The following VCL variants were observed in gnomAD, a reference collection of about 807,000 sequenced individuals.
VCL encodes the protein epididymis luminal protein 114.
A neutral mutation model predicts 125.7 loss-of-function variants in VCL; 47 were observed. The ratio of observed to expected loss-of-function variants is 0.37; its 90% CI spans 0.30 to 0.48. The LOEUF (loss-of-function observed/expected upper bound fraction) is 0.48, where lower values mean the gene tolerates loss of function less well. VCL is among the 20% of genes least tolerant of loss of function. VCL has a pLI of 0.99. For synonymous variants in VCL, 458 were observed against 514.6 expected (o/e 0.89, Z 1.49); for missense variants, 1,069 against 1,455.5 (o/e 0.73, Z 4.32).
chr10:74,008,326 A>C (rs1565631707), intron 1 of VCL, among the ~76,000 whole-genome samples: 1 of 152,184 alleles, frequency 6.6e-6, no homozygotes, highest in Admixed American at 6.5e-5. Context: ...TTGAGATAAC[A>C]AAAGTGTTCA....
At chr10:74,085,593 T>A (rs1312504757) in intron 8 of VCL, among the ~76,000 whole-genome samples, 1 of 152,218 alleles carries the variant, frequency 6.6e-6, no homozygotes, top group African/African-American at 2.4e-5. Context: ...CTCAATATAA[T>A]ATAAATTTGT....
chr10:74,089,473 G>A (rs371956135), intron 9 of VCL, 124 bp downstream of exon 9: 27 of 1,430,444 alleles, frequency 1.9e-5, no homozygotes, highest in South Asian at 1.8e-4. Flanking sequence ...TCTAAGTGAT[G>A]AGTGACTTCC....
chr10:74,032,565 T>G (rs1171502311), intron 1 of VCL, among the ~76,000 whole-genome samples: 1 of 151,936 alleles, frequency 6.6e-6, no homozygotes, highest in Non-Finnish European at 1.5e-5. Flanking sequence ...CCAGGCATGG[T>G]GGCTCATGCC....
At chr10:74,002,684 C>T (rs894875578) in intron 1 of VCL, among the ~76,000 whole-genome samples, 2 of 151,060 alleles carry the variant, frequency 1.3e-5, no homozygotes, top group Non-Finnish European at 3.0e-5. Flanking sequence ...GAGATGGAGA[C>T]CATCCTGGCC....
downstream of VCL, chr10:74,121,151 G>A (rs1195139665): frequency 2.6e-5 from 4 of 152,192 alleles, no homozygotes; most frequent in African/African-American, 9.7e-5. Flanking sequence ...AAAGGCCAAG[G>A]CTGCTACTGA....
At chr10:74,084,644 C>T (rs1839738773) in intron 8 of VCL, among the ~76,000 whole-genome samples, 1 of 150,874 alleles carries the variant, frequency 6.6e-6, no homozygotes, top group Non-Finnish European at 1.5e-5. Context: ...GGGAGATTCG[C>T]TCTTGTTGCC....
intron 10 of VCL, among the ~76,000 whole-genome samples, chr10:74,091,101 GCTTTCTT>G (rs1839875877): frequency 6.6e-6 from 1 of 151,996 alleles, no homozygotes; most frequent in South Asian, 2.1e-4. Context: ...GCACCTAACT[GCTTTCTT>G]CTTTCAATAG....
intron 8 of VCL, among the ~76,000 whole-genome samples, chr10:74,085,595 T>C (rs1435062762): frequency 6.6e-6 from 1 of 152,158 alleles, no homozygotes; most frequent in Non-Finnish European, 1.5e-5. Flanking sequence ...CAATATAATA[T>C]AAATTTGTTT....
intron 21 of VCL, among the ~76,000 whole-genome samples, chr10:74,116,123 A>G (rs1840307423): frequency 6.6e-6 from 1 of 152,116 alleles, no homozygotes; most frequent in African/African-American, 2.4e-5. Context: ...CCCCCACCCA[A>G]CGTGGGGAAC....
chr10:74,029,522 A>T (rs1840835135), intron 1 of VCL, among the ~76,000 whole-genome samples: 2 of 152,310 alleles, frequency 1.3e-5, no homozygotes, highest in South Asian at 4.1e-4. Flanking sequence ...GCTAACATTT[A>T]TGTAGCCTTA....
intron 2 of VCL, among the ~76,000 whole-genome samples, chr10:74,062,648 G>A (rs767319166): frequency 2.0e-5 from 3 of 151,978 alleles, no homozygotes; most frequent in African/African-American, 2.4e-5. Flanking sequence ...GTGGTAGTGC[G>A]ATAATGGCTC....
intron 1 of VCL, among the ~76,000 whole-genome samples, chr10:74,019,301 T>C (rs1175537023): frequency 6.6e-6 from 1 of 152,182 alleles, no homozygotes; most frequent in African/African-American, 2.4e-5. Context: ...GTTTGTTACA[T>C]AGGTATACAT....
At chr10:74,085,349 A>G (rs1395264225) in intron 8 of VCL, among the ~76,000 whole-genome samples, 1 of 152,232 alleles carries the variant, frequency 6.6e-6, no homozygotes, top group Non-Finnish European at 1.5e-5. Context: ...CATTTTACGG[A>G]GGATGGGGAG....
At chr10:74,101,164 C>T in intron 14 of VCL, 67 bp downstream of exon 14, 2 of 1,564,854 alleles carry the variant, frequency 1.3e-6, no homozygotes, top group African/African-American at 1.4e-5. Context: ...AGTTTCTATA[C>T]ATTTTTGAAT....
At chr10:74,031,956 T>C (rs1427526395) in intron 1 of VCL, among the ~76,000 whole-genome samples, 1 of 148,568 alleles carries the variant, frequency 6.7e-6, no homozygotes, top group Non-Finnish European at 1.5e-5. Context: ...CCCAGCTACT[T>C]GGGAGGCTGA....
intron 1 of VCL, among the ~76,000 whole-genome samples, chr10:74,038,079 C>A (rs1398034021): frequency 6.6e-6 from 1 of 151,494 alleles, no homozygotes; most frequent in African/African-American, 2.4e-5. Flanking sequence ...TTCACTGCAA[C>A]CTCCTCCTCC....
At chr10:74,058,797 C>G (rs141621340) in intron 2 of VCL, among the ~76,000 whole-genome samples, 98 of 152,270 alleles carry the variant, frequency 6.4e-4, no homozygotes, top group African/African-American at 2.3e-3. Flanking sequence ...GATTGTTTGG[C>G]TTTAGAGTGA....
intron 6 of VCL, among the ~76,000 whole-genome samples, chr10:74,081,711 G>A (rs1473873967): frequency 6.6e-6 from 1 of 152,162 alleles, no homozygotes; most frequent in Admixed American, 6.5e-5. Context: ...TATCCTGGGA[G>A]ATTTTATGCT....
At chr10:74,072,368 A>G (rs1841674290) in intron 4 of VCL, among the ~76,000 whole-genome samples, 1 of 152,202 alleles carries the variant, frequency 6.6e-6, no homozygotes, top group Non-Finnish European at 1.5e-5. Context: ...GATTTTTAGC[A>G]CAGAGTTCAG....
Sources: gnomAD v4.1 joint callset for allele counts (sites outside exome capture counted in the v4.1 genomes callset) on GRCh38, gnomAD v4.1.1 for gene constraint, MANE v1.5 for transcripts, NCBI Gene and HGNC (gene_info 2026-07-23, HGNC 2026-07-21) for gene names.